The following PHTF2 variants were observed in gnomAD, a reference collection of about 807,000 sequenced individuals.
PHTF2 encodes putative homeodomain transcription factor 2.
A neutral mutation model predicts 101.2 loss-of-function variants in PHTF2; 60 were observed. The observed-to-expected ratio is 0.59, with a 90% CI of 0.48 to 0.73. PHTF2 has a LOEUF of 0.73. PHTF2 is among the 30% of genes least tolerant of loss of function. PHTF2 has a pLI of 0.00. For synonymous variants in PHTF2, 311 were observed against 307.3 expected (o/e 1.01, Z -0.13); for missense variants, 747 against 908.7 (o/e 0.82, Z 2.29).
chr7:77,865,941 T>G (rs1165857496), intron 3 of PHTF2, among the ~76,000 whole-genome samples: 1 of 152,118 alleles, frequency 6.6e-6, no homozygotes, highest in Admixed American at 6.5e-5. Context: ...CCCAGTACTT[T>G]GGGAGGCGAA....
intron 1 of PHTF2, among the ~76,000 whole-genome samples, chr7:77,823,860 AG>A (rs1461181536): frequency 2.0e-5 from 3 of 152,238 alleles, no homozygotes; most frequent in African/African-American, 7.2e-5. Context: ...TTGTAAAAGA[AG>A]GGTTTTGAAT....
exon 20 of PHTF2, chr7:77,955,912 A>G (rs1483699280): frequency 1.3e-5 from 2 of 152,568 alleles, no homozygotes; most frequent in African/African-American, 4.8e-5. Context: ...TGCAAATTCT[A>G]TCCTCTAAAC....
At chr7:77,809,055 A>G (rs1793209902) in intron 1 of PHTF2, among the ~76,000 whole-genome samples, 1 of 152,066 alleles carries the variant, frequency 6.6e-6, no homozygotes, top group South Asian at 2.1e-4. Context: ...TAAATCCCAA[A>G]TTTGTGTTTA....
chr7:77,900,842 A>C, intron 6 of PHTF2, 62 bp downstream of exon 5: 1 of 831,880 alleles, frequency 1.2e-6, no homozygotes, highest in Non-Finnish European at 2.1e-6. Flanking sequence ...ACAGAATTCA[A>C]AATAGGTTTA....
chr7:77,929,029 A>G (rs2024017), intron 11 of PHTF2, 80 bp from the exon 11 acceptor site: 27,158 of 987,712 alleles, frequency 0.027, 502 homozygotes, highest in Middle Eastern at 0.062. Flanking sequence ...AAAAGTATCA[A>G]TATATGGGTT....
At chr7:77,828,622 C>T (rs568121800) in intron 1 of PHTF2, among the ~76,000 whole-genome samples, 1 of 151,864 alleles carries the variant, frequency 6.6e-6, no homozygotes, top group South Asian at 2.1e-4. Flanking sequence ...ACCAGCTTGG[C>T]CAACATGGTG....
chr7:77,907,410 A>G (rs1801964292), intron 7 of PHTF2, among the ~76,000 whole-genome samples: 1 of 152,220 alleles, frequency 6.6e-6, no homozygotes, highest in African/African-American at 2.4e-5. Flanking sequence ...GGTGGCAGAA[A>G]CTAAATGCAA....
intron 19 of PHTF2, among the ~76,000 whole-genome samples, chr7:77,954,612 G>GTGTATATATATATATATATA (rs1426693429): frequency 5.5e-5 from 5 of 90,192 alleles, no homozygotes; most frequent in Non-Finnish European, 8.3e-5. Flanking sequence ...CAAGTACTGT[G>GTGTATATATATATATATATA]TATATATATA....
At chr7:77,897,893 C>T (rs1801015829) in intron 5 of PHTF2, among the ~76,000 whole-genome samples, 1 of 151,582 alleles carries the variant, frequency 6.6e-6, no homozygotes, top group Non-Finnish European at 1.5e-5. Context: ...GTTGGCTAGG[C>T]TGGTCTTGAA....
intron 2 of PHTF2, among the ~76,000 whole-genome samples, chr7:77,845,316 C>A (rs1021464021): frequency 6.6e-6 from 1 of 152,090 alleles, no homozygotes; most frequent in South Asian, 2.1e-4. Context: ...CTTAGAAAAA[C>A]TCCCCAAATT....
At chr7:77,928,573 CA>C (rs1341081773) in intron 11 of PHTF2, among the ~76,000 whole-genome samples, 2 of 152,122 alleles carry the variant, frequency 1.3e-5, no homozygotes, top group African/African-American at 4.8e-5. Flanking sequence ...CTATAAATAC[CA>C]AAATCCAAGG....
At chr7:77,881,866 A>G (rs1045234887) in intron 3 of PHTF2, among the ~76,000 whole-genome samples, 2 of 152,234 alleles carry the variant, frequency 1.3e-5, no homozygotes, top group Non-Finnish European at 2.9e-5. Flanking sequence ...GGTATGCAAC[A>G]GTACTTACTT....
chr7:77,860,404 A>G (rs1797542270), intron 3 of PHTF2, among the ~76,000 whole-genome samples: 1 of 152,244 alleles, frequency 6.6e-6, no homozygotes, highest in African/African-American at 2.4e-5. Context: ...ACAACAATTT[A>G]AAGTGATTAT....
chr7:77,910,088 T>G, intron 8 of PHTF2, 157 bp from the exon 8 acceptor site: 3 of 582,214 alleles, frequency 5.2e-6, no homozygotes, highest in Non-Finnish European at 8.9e-6. Flanking sequence ...ATATGCATCA[T>G]GATATTTGGA....
chr7:77,864,400 C>G (rs960351756), intron 3 of PHTF2, among the ~76,000 whole-genome samples: 1 of 152,204 alleles, frequency 6.6e-6, no homozygotes, highest in Non-Finnish European at 1.5e-5. Flanking sequence ...CTTTTTAACA[C>G]TCGTCAAAGC....
intron 3 of PHTF2, among the ~76,000 whole-genome samples, chr7:77,881,519 TG>T (rs10584537): frequency 0.17 from 16,319 of 94,020 alleles, 1,291 homozygotes; most frequent in African/African-American, 0.29. Context: ...TGGCTGGTTT[TG>T]TTTTTTTTTT....
chr7:77,917,832 A>T (rs1233588122), intron 9 of PHTF2, among the ~76,000 whole-genome samples: 2 of 152,214 alleles, frequency 1.3e-5, no homozygotes, highest in African/African-American at 2.4e-5. Context: ...AGTAATACTT[A>T]CATTTAGCAT....
intron 9 of PHTF2, among the ~76,000 whole-genome samples, chr7:77,918,265 A>C (rs1803117796): frequency 6.6e-6 from 1 of 151,976 alleles, no homozygotes; most frequent in Admixed American, 6.6e-5. Flanking sequence ...ACACATTCCC[A>C]AATTTTCAGC....
chr7:77,931,341 C>T (rs1453495727), intron 12 of PHTF2, among the ~76,000 whole-genome samples: 5 of 152,174 alleles, frequency 3.3e-5, no homozygotes, highest in Admixed American at 2.6e-4. Flanking sequence ...ATTTCCAATA[C>T]ATTAACTATC....
Sources: gnomAD v4.1 joint callset for allele counts (sites outside exome capture counted in the v4.1 genomes callset) on GRCh38, gnomAD v4.1.1 for gene constraint, MANE v1.5 for transcripts, NCBI Gene and HGNC (gene_info 2026-07-23, HGNC 2026-07-21) for gene names.